PCDHGA5: variants seen among roughly 807,000 people sequenced by gnomAD.
PCDHGA5 encodes the protein protocadherin gamma-A5.
A neutral mutation model predicts 56.7 loss-of-function variants in PCDHGA5; 36 were observed. That is an observed-to-expected ratio of 0.64 (90% CI 0.49 to 0.84). The LOEUF is 0.84. Ranked by LOEUF, PCDHGA5 falls within the 40% of genes least tolerant of loss-of-function variation. PCDHGA5 has a pLI of 0.00. For missense variants in PCDHGA5, 1,305 were observed against 1,201.5 expected (o/e 1.09, Z -1.27); for synonymous variants, 563 against 520.2 (o/e 1.08, Z -1.12).
chr5:141,384,013 C>T, intron 1 of PCDHGA5: 1 of 1,613,758 alleles, frequency 6.2e-7, no homozygotes, highest in Non-Finnish European at 8.5e-7. Context: ...TTTCTACCTA[C>T]AAGACAGAGA....
intron 1 of PCDHGA5, chr5:141,408,754 T>G: frequency 6.2e-7 from 1 of 1,610,602 alleles, no homozygotes; most frequent in Non-Finnish European, 8.5e-7. Flanking sequence ...TGGTTAGAGT[T>G]AATTCCGATG....
chr5:141,431,828 C>T lies in PCDHGA5; in HGVS notation c.2422-62979C>T. The T allele has an allele frequency of 6.2e-7, 1 of 1,610,208 alleles. No individual in the cohort carries two copies. Among genetic ancestry groups the T allele is most frequent in the Non-Finnish European group, 8.5e-7 (1 of 1,176,374 alleles). On this transcript the variant is annotated intron_variant, in intron 1 of 3. Transcript: ENST00000518069. This position sits in a 1 kb window ranked among gnomAD's most constrained non-coding sequence, Gnocchi z 4.8. Reference sequence around the variant, plus strand: ...CCTCACCTCTCTCGCCAGCTCGGTTCCCGAAAACTCTCCCAGAGGGACATT... The same window carrying T: ...CCTCACCTCTCTCGCCAGCTCGGTTTCCGAAAACTCTCCCAGAGGGACATT...
rs746968245 is a variant in PCDHGA5, at chr5:141,489,575, A to AC, written c.2422-5227dup. 2 of 1,613,788 alleles carry AC rather than the reference A, an allele frequency of 1.2e-6. No homozygotes were observed. Among genetic ancestry groups the AC allele is most frequent in the Non-Finnish European group, 1.7e-6 (2 of 1,179,960 alleles). On this transcript the variant is annotated intron_variant, in intron 1 of 3. Coordinates refer to ENST00000518069, the MANE Select transcript of PCDHGA5 (RefSeq NM_018918.3). The surrounding 1 kb of genome is among the most constrained non-coding windows in gnomAD (Gnocchi z 4.5). ...CTGCCAGTGCAGGTGGTGACTGAACACCCCCTGGAGCTAATCCGTGTAGAG... is the reference window on the plus strand; with the variant it reads ...CTGCCAGTGCAGGTGGTGACTGAACACCCCCCTGGAGCTAATCCGTGTAGAG...
chr5:141,368,121 T>C (rs1431804065), intron 1 of PCDHGA5, among the ~76,000 whole-genome samples: 2 of 152,228 alleles, frequency 1.3e-5, no homozygotes, highest in Non-Finnish European at 2.9e-5. Flanking sequence ...TATTAAAATA[T>C]TCTTAATCCT....
At position 141,392,949 on chromosome 5, in the gene PCDHGA5, G is replaced by A. The variant is rs747367099; in HGVS notation, c.2421+26198G>A. On this transcript the variant is annotated intron_variant, in intron 1 of 3. Transcript: ENST00000518069. ...AGAGACGGACAAAGGCTCCTTCGTG[G>A]GTAATATCTCCAAGGACCTGGGGCT... The A allele has an allele frequency of 5.6e-6, 9 of 1,613,906 alleles. No homozygotes were observed. In the South Asian group the frequency reaches 8.8e-5, roughly 16 times the overall value.
chr5:141,419,742 T>G (rs1388509503), intron 1 of PCDHGA5: 3 of 1,613,742 alleles, frequency 1.9e-6, no homozygotes, highest in Non-Finnish European at 2.5e-6. Flanking sequence ...GAGGTGCGCA[T>G]GGTGCGTGCT....
Position 141,375,597 on chromosome 5 carries a change from T to A in PCDHGA5, c.2421+8846T>A, listed in dbSNP as rs752006849. ...CAGGGGGCGCCCCTGTCCTCCTACG[T>A]GTCCATCAACTCCGACACTGGGATT... On this transcript the variant is annotated intron_variant, in intron 1 of 3. Transcript: ENST00000518069. The A allele has an allele frequency of 1.4e-5, 22 of 1,614,042 alleles. No homozygotes were observed. In the Middle Eastern group the frequency reaches 4.9e-4, roughly 36 times the overall value.
intron 1 of PCDHGA5, chr5:141,393,109 G>C (rs2092681202): frequency 1.2e-6 from 2 of 1,613,430 alleles, no homozygotes; most frequent in Non-Finnish European, 1.7e-6. Context: ...TGCGCTCAGA[G>C]CCCGCGGTGT....
intron 1 of PCDHGA5, among the ~76,000 whole-genome samples, chr5:141,481,109 A>G (rs959629019): frequency 6.6e-6 from 1 of 152,186 alleles, no homozygotes; most frequent in Non-Finnish European, 1.5e-5. Flanking sequence ...GGAACCTACC[A>G]ATCCATCATT....
rs1269660369 is a variant in PCDHGA5 at position 141,408,454 on chromosome 5, A to T, written c.2421+41703A>T. On this transcript the variant is annotated intron_variant, in intron 1 of 3. Transcript: ENST00000518069. ...GCGTAGACGCGGAGAGCGGGGACTT[A>T]CTTGTGAAGAACCGAATAGACCGTG... The T allele has an allele frequency of 4.3e-6, 7 of 1,613,934 alleles. No homozygotes were observed. The African/African-American group carries it at 9.3e-5, about 22-fold the overall frequency.
At chr5:141,462,698 G>A (rs2099045237) in intron 1 of PCDHGA5, among the ~76,000 whole-genome samples, 1 of 152,062 alleles carries the variant, frequency 6.6e-6, no homozygotes. Context: ...ATTTATAATG[G>A]AGGTTTTAAA....
intron 1 of PCDHGA5, among the ~76,000 whole-genome samples, chr5:141,433,989 T>C (rs898601470): frequency 6.6e-6 from 1 of 152,248 alleles, no homozygotes; most frequent in Non-Finnish European, 1.5e-5. Context: ...AGAAGAGTTT[T>C]ATATTCTCTA....
At chr5:141,429,378 T>TTTG (rs2097208019) in intron 1 of PCDHGA5, among the ~76,000 whole-genome samples, 1 of 105,336 alleles carries the variant, frequency 9.5e-6, no homozygotes, top group African/African-American at 5.2e-5. Flanking sequence ...AGAAAATGTG[T>TTTG]TTTTTTTTTA....
intron 1 of PCDHGA5, chr5:141,419,308 C>G: frequency 6.2e-7 from 1 of 1,614,026 alleles, no homozygotes; most frequent in Non-Finnish European, 8.5e-7. Flanking sequence ...ACTTCGGGCT[C>G]AACGGCCGTG....
intron 1 of PCDHGA5, among the ~76,000 whole-genome samples, chr5:141,472,980 C>CAAAAAAAAAAAAAAAAA (rs60579131): frequency 5.8e-5 from 5 of 86,060 alleles, no homozygotes; most frequent in African/African-American, 3.9e-5. Context: ...GAGTGAAACT[C>CAAAAAAAAAAAAAAAAA]AAAAAAAAAA....
intron 1 of PCDHGA5, chr5:141,423,368 C>A: frequency 3.1e-6 from 5 of 1,614,200 alleles, no homozygotes; most frequent in Non-Finnish European, 4.2e-6. Context: ...GTGCTGCTGG[C>A]ACTCAGGCTG....
rs763743728 is a variant in PCDHGA5, at chr5:141,398,890, G to C, written c.2421+32139G>C. On this transcript the variant is annotated intron_variant, in intron 1 of 3. Coordinates refer to ENST00000518069, the MANE Select transcript of PCDHGA5 (RefSeq NM_018918.3). ...GTACAGAGTCAGCCTTCGGGAAAAC[G>C]TGCCACCAGGCACCACTGTGTTGCA... is the stretch of plus-strand genomic sequence containing the variant. 2.5e-6 allele frequency: 4 copies of C among 1,613,920 alleles called. No homozygotes were observed. The South Asian group carries it at 3.3e-5, about 13-fold the overall frequency.
At chr5:141,370,225 C>T in intron 1 of PCDHGA5, 1 of 577,904 alleles carries the variant, frequency 1.7e-6, no homozygotes. Flanking sequence ...CCGCTGCAGC[C>T]AGCTCGGAAG....
At chr5:141,406,544 T>A (rs1254762260) in intron 1 of PCDHGA5, among the ~76,000 whole-genome samples, 1 of 152,222 alleles carries the variant, frequency 6.6e-6, no homozygotes, top group Non-Finnish European at 1.5e-5. Context: ...AGATTCAAAC[T>A]TCAGTTATCC....
Sources: gnomAD v4.1 joint callset for allele counts (sites outside exome capture counted in the v4.1 genomes callset) on GRCh38, gnomAD v4.1.1 for gene constraint, Gnocchi (gnomAD v3.1) non-coding constraint, MANE v1.5 for transcripts, NCBI Gene and HGNC (gene_info 2026-07-23, HGNC 2026-07-21) for gene names.